Variants in RGS7 observed in about 807,000 individuals in gnomAD.
The protein encoded by RGS7 is regulator of G-protein signaling 7.
A neutral mutation model predicts 81.1 loss-of-function variants in RGS7; 27 were observed. The observed-to-expected ratio is 0.33, with a 90% confidence interval of 0.25 to 0.46. The LOEUF is 0.46. RGS7 is among the 20% of genes least tolerant of loss of function. The pLI is 1.00. For synonymous variants in RGS7, 208 were observed against 207.7 expected (o/e 1.00, Z -0.01); for missense variants, 396 against 607.4 (o/e 0.65, Z 3.66).
At chr1:241,249,545 TTC>T (rs2076728135) in intron 2 of RGS7, among the ~76,000 whole-genome samples, 1 of 152,194 alleles carries the variant, frequency 6.6e-6, no homozygotes, top group African/African-American at 2.4e-5. Flanking sequence ...ATTTTGGCAA[TTC>T]CAGACCTTTT....
At chr1:241,165,624 T>C (rs1463711415) in intron 2 of RGS7, among the ~76,000 whole-genome samples, 12 of 123,984 alleles carry the variant, frequency 9.7e-5, no homozygotes, top group African/African-American at 1.5e-4. Flanking sequence ...ACTCTGGCGA[T>C]TGTTGTGGGG....
chr1:240,970,021 A>G (rs1682950621), intron 4 of RGS7, among the ~76,000 whole-genome samples: 2 of 152,206 alleles, frequency 1.3e-5, no homozygotes, highest in Admixed American at 1.3e-4. Context: ...TCAAGTTCTC[A>G]ACATGATGTT....
intron 2 of RGS7, among the ~76,000 whole-genome samples, chr1:241,300,785 A>C (rs1287323367): frequency 6.6e-6 from 1 of 152,194 alleles, no homozygotes; most frequent in East Asian, 1.9e-4. Flanking sequence ...AAGGATTGTA[A>C]TGTCTTGACT....
intron 3 of RGS7, among the ~76,000 whole-genome samples, chr1:240,997,941 C>T (rs867485744): frequency 1.3e-5 from 2 of 152,136 alleles, no homozygotes; most frequent in Non-Finnish European, 2.9e-5. Context: ...TTATCGTTTC[C>T]CTTTTATTTA....
intron 2 of RGS7, among the ~76,000 whole-genome samples, chr1:241,264,488 C>T (rs992780519): frequency 1.3e-5 from 2 of 151,940 alleles, no homozygotes; most frequent in Admixed American, 6.6e-5. Flanking sequence ...CAGAGTGAGA[C>T]CCTGTCTCAA....
intron 9 of RGS7, among the ~76,000 whole-genome samples, chr1:240,865,848 T>C (rs1277032953): frequency 6.6e-6 from 1 of 152,130 alleles, no homozygotes; most frequent in Admixed American, 6.5e-5. Flanking sequence ...AGCCAGCAAA[T>C]AGAGATAGAG....
At chr1:241,182,841 G>GTTTA (rs1375346044) in intron 2 of RGS7, among the ~76,000 whole-genome samples, 18 of 151,046 alleles carry the variant, frequency 1.2e-4, no homozygotes, top group Non-Finnish European at 2.2e-4. Context: ...TTGTTTGTTT[G>GTTTA]TTTGTTTGTT....
intron 6 of RGS7, among the ~76,000 whole-genome samples, chr1:240,898,849 T>C (rs571268674): frequency 1.3e-5 from 2 of 152,318 alleles, no homozygotes; most frequent in African/African-American, 4.8e-5. Flanking sequence ...GTTAACTTTC[T>C]GTCTCGTTGA....
chr1:241,034,083 A>T (rs610928), intron 3 of RGS7, among the ~76,000 whole-genome samples: 63,814 of 151,984 alleles, frequency 0.42, 13,750 homozygotes, highest in Middle Eastern at 0.49. Flanking sequence ...AAATACTTCA[A>T]CAAATATTGA....
At chr1:240,887,028 A>G (rs1310953492) in intron 6 of RGS7, among the ~76,000 whole-genome samples, 1 of 152,176 alleles carries the variant, frequency 6.6e-6, no homozygotes, top group African/African-American at 2.4e-5. Flanking sequence ...TGGTGTGTCT[A>G]TTCCATAGGA....
intron 4 of RGS7, among the ~76,000 whole-genome samples, chr1:240,980,848 T>C (rs550027248): frequency 6.6e-6 from 1 of 152,324 alleles, no homozygotes; most frequent in South Asian, 2.1e-4. Flanking sequence ...CAGCCTGTCA[T>C]AAATATGACT....
chr1:241,044,432 T>C (rs998172213), intron 3 of RGS7, among the ~76,000 whole-genome samples: 4 of 151,982 alleles, frequency 2.6e-5, no homozygotes, highest in African/African-American at 9.7e-5. Context: ...GTTTGTTTGT[T>C]TGGTTTTTAA....
intron 2 of RGS7, among the ~76,000 whole-genome samples, chr1:241,195,205 G>A (rs1200121276): frequency 6.6e-6 from 1 of 152,192 alleles, no homozygotes; most frequent in Non-Finnish European, 1.5e-5. Context: ...GCGGGGCGTG[G>A]TAGCTCACGC....
intron 2 of RGS7, among the ~76,000 whole-genome samples, chr1:241,099,041 G>C (rs2064514579): frequency 6.6e-6 from 1 of 152,134 alleles, no homozygotes; most frequent in Non-Finnish European, 1.5e-5. Flanking sequence ...TGGTTATAAA[G>C]GTTAAGATCA....
At chr1:240,866,650 A>G (rs1414871824) in intron 9 of RGS7, among the ~76,000 whole-genome samples, 1 of 152,164 alleles carries the variant, frequency 6.6e-6, no homozygotes, top group African/African-American at 2.4e-5. Context: ...GATAACACTC[A>G]TATGTGCTCC....
At chr1:241,113,084 T>C (rs574424050) in intron 2 of RGS7, among the ~76,000 whole-genome samples, 9 of 152,274 alleles carry the variant, frequency 5.9e-5, no homozygotes, top group Middle Eastern at 3.4e-3. Context: ...CAAGGCAAAG[T>C]AGGTCCAAGC....
chr1:241,118,649 C>A (rs2066034346), intron 2 of RGS7, among the ~76,000 whole-genome samples: 1 of 152,050 alleles, frequency 6.6e-6, no homozygotes, highest in South Asian at 2.1e-4. Context: ...CTTAAATGTT[C>A]ATCAACAGTT....
chr1:241,132,053 G>A (rs1056558972), intron 2 of RGS7, among the ~76,000 whole-genome samples: 1 of 152,204 alleles, frequency 6.6e-6, no homozygotes, highest in East Asian at 1.9e-4. Flanking sequence ...CATGTGGTAT[G>A]TCTCGCAAAG....
chr1:240,949,163 AG>A (rs1679138875), intron 4 of RGS7, among the ~76,000 whole-genome samples: 1 of 152,122 alleles, frequency 6.6e-6, no homozygotes, highest in African/African-American at 2.4e-5. Context: ...ATTTCTCCCC[AG>A]TTCTCCTAAA....
Sources: gnomAD v4.1 joint callset for allele counts (sites outside exome capture counted in the v4.1 genomes callset) on GRCh38, gnomAD v4.1.1 for gene constraint, MANE v1.5 for transcripts, NCBI Gene and HGNC (gene_info 2026-07-23, HGNC 2026-07-21) for gene names.